Variants in PCDHGB6 observed in about 807,000 individuals in gnomAD.
PCDHGB6 encodes protocadherin gamma subfamily B, 6, also known as protocadherin gamma-B6.
In PCDHGB6, 51 loss-of-function variants were observed where a neutral mutation model predicts 59.1. The observed-to-expected ratio is 0.86, with a 90% confidence interval of 0.69 to 1.09. The LOEUF (loss-of-function observed/expected upper bound fraction) is 1.09, where lower values mean the gene tolerates loss of function less well. Among genes scored for constraint, PCDHGB6 ranks in the 50% least tolerant of loss-of-function variants. PCDHGB6 has a pLI of 0.00. For missense variants in PCDHGB6, 1,148 were observed against 1,205.1 expected (o/e 0.95, Z 0.70); for synonymous variants, 466 against 495.1 (o/e 0.94, Z 0.78).
rs370286425 is a variant in PCDHGB6, at chr5:141,431,234, G to A, written c.2418+20614G>A. On this transcript the variant is annotated intron_variant, in intron 1 of 3. Coordinates refer to ENST00000520790, the MANE Select transcript of PCDHGB6 (RefSeq NM_018926.3). This position sits in a 1 kb window ranked among gnomAD's most constrained non-coding sequence, Gnocchi z 4.8. ...GCGGTTCCCTCTACCCCACGCCTGGGATCCGGATATCGGGAAGAACTCTCT... is the reference window on the plus strand; with the variant it reads ...GCGGTTCCCTCTACCCCACGCCTGGAATCCGGATATCGGGAAGAACTCTCT... 13 of 1,614,052 alleles carry A rather than the reference G, an allele frequency of 8.1e-6. No individual in the cohort carries two copies. The highest frequency in any genetic ancestry group is 2.7e-5 in the African/African-American group (2 of 74,940).
Position 141,476,239 on chromosome 5 carries a change from A to T in PCDHGB6, c.2419-18568A>T. ...TTCACTATGAGATCCCGGAGGAAAG[A>T]GAGAAGGGTTTCGCTGTGGGCAACG... is the stretch of plus-strand genomic sequence containing the variant. On this transcript the variant is annotated intron_variant, in intron 1 of 3. Coordinates refer to ENST00000520790, the MANE Select transcript of PCDHGB6 (RefSeq NM_018926.3). This position sits in a 1 kb window ranked among gnomAD's most constrained non-coding sequence, Gnocchi z 7.6. 1 of 1,613,826 alleles carries T rather than the reference A, an allele frequency of 6.2e-7. No homozygotes were observed. Among genetic ancestry groups the T allele is most frequent in the Non-Finnish European group, 8.5e-7 (1 of 1,179,996 alleles).
At position 141,422,108 on chromosome 5, in the gene PCDHGB6, A is replaced by G. The variant is rs766617894; in HGVS notation, c.2418+11488A>G. 4.4e-6 allele frequency: 7 copies of G among 1,606,984 alleles called. No homozygotes were observed. In the East Asian group the frequency reaches 1.6e-4, roughly 36 times the overall value. ...GAAAGCAAGGCTTCTGAAATATTCCAATTGGATTCACAAACTGGAGAAGTT... is the reference window on the plus strand; with the variant it reads ...GAAAGCAAGGCTTCTGAAATATTCCGATTGGATTCACAAACTGGAGAAGTT... On this transcript the variant is annotated intron_variant, in intron 1 of 3. Transcript: ENST00000520790.
chr5:141,443,656 A>T (rs139300845), intron 1 of PCDHGB6, among the ~76,000 whole-genome samples: 1 of 152,256 alleles, frequency 6.6e-6, no homozygotes, highest in African/African-American at 2.4e-5. Flanking sequence ...TTAGCATAGC[A>T]TTTTACTGAA....
chr5:141,442,164 C>A, intron 1 of PCDHGB6: 1 of 156,542 alleles, frequency 6.4e-6, no homozygotes, highest in Non-Finnish European at 1.4e-5. Context: ...GATCACTCTG[C>A]AAAGCTACAG....
At chr5:141,422,597 C>T in intron 1 of PCDHGB6, 1 of 1,614,102 alleles carries the variant, frequency 6.2e-7, no homozygotes, top group Non-Finnish European at 8.5e-7. Context: ...CCTCACTCCT[C>T]TTACTCTGCC....
chr5:141,419,108 G>C (rs1449189374), intron 1 of PCDHGB6: 2 of 1,613,792 alleles, frequency 1.2e-6, no homozygotes, highest in African/African-American at 1.3e-5. Flanking sequence ...GCAGACCCCA[G>C]AGTACAACGT....
intron 1 of PCDHGB6, 97 bp from the exon 2 acceptor site, chr5:141,494,710 C>G: frequency 6.2e-7 from 1 of 1,600,966 alleles, no homozygotes; most frequent in Admixed American, 1.7e-5. Context: ...TCTCTGTGCC[C>G]ACTCCCCTCC....
chr5:141,448,912 T>C (rs1195715286), intron 1 of PCDHGB6, among the ~76,000 whole-genome samples: 1 of 152,152 alleles, frequency 6.6e-6, no homozygotes, highest in Non-Finnish European at 1.5e-5. Flanking sequence ...GCCACTGCAC[T>C]CCAGCCTGGG....
chr5:141,415,411 G>A (rs754595054), intron 1 of PCDHGB6: 45 of 1,614,112 alleles, frequency 2.8e-5, no homozygotes, highest in Non-Finnish European at 3.6e-5. Context: ...GCACTTTGTG[G>A]GCGTGGACGG....
intron 1 of PCDHGB6, chr5:141,413,323 G>A (rs1221252167): frequency 2.5e-6 from 4 of 1,613,840 alleles, no homozygotes; most frequent in Non-Finnish European, 3.4e-6. Flanking sequence ...CTCTTTCGTG[G>A]GCAACATCTC....
chr5:141,422,431 T>G, intron 1 of PCDHGB6: 1 of 1,608,846 alleles, frequency 6.2e-7, no homozygotes, highest in Non-Finnish European at 8.5e-7. Flanking sequence ...TTATGGAAAT[T>G]ATTACAAATT....
At chr5:141,435,665 A>C (rs1029846055) in intron 1 of PCDHGB6, among the ~76,000 whole-genome samples, 2 of 152,206 alleles carry the variant, frequency 1.3e-5, no homozygotes, top group African/African-American at 4.8e-5. Flanking sequence ...CACAGATTCC[A>C]AGTGTTTTCT....
At chr5:141,444,873 C>T (rs1298516499) in intron 1 of PCDHGB6, among the ~76,000 whole-genome samples, 1 of 152,080 alleles carries the variant, frequency 6.6e-6, no homozygotes, top group African/African-American at 2.4e-5. Flanking sequence ...CAGGACAAAG[C>T]TTGTAGGATT....
chr5:141,489,040 C>G lies in PCDHGB6; in HGVS notation c.2419-5767C>G. On this transcript the variant is annotated intron_variant, in intron 1 of 3. Coordinates refer to ENST00000520790, the MANE Select transcript of PCDHGB6 (RefSeq NM_018926.3). This position sits in a 1 kb window ranked among gnomAD's most constrained non-coding sequence, Gnocchi z 4.5. ...CCTCTCCTCCTCCAGCTCCCCAGCT[C>G]CACTCAAATTCAGCTCCCCTCCCCC... 1 of 479,752 alleles carries G rather than the reference C, an allele frequency of 2.1e-6. No homozygotes were observed. The highest frequency in any genetic ancestry group is 3.6e-6 in the Non-Finnish European group (1 of 274,204). 29.7% of individuals were successfully genotyped at this position (479,752 alleles called of 1,614,324 possible). A position where few individuals can be genotyped will look rare whatever the true frequency, so the allele number is the denominator to read the frequency against.
At chr5:141,444,178 TTTTTTTTTTTG>T in intron 1 of PCDHGB6, among the ~76,000 whole-genome samples, 1 of 134,050 alleles carries the variant, frequency 7.5e-6, no homozygotes, top group Admixed American at 7.5e-5. Flanking sequence ...TTTTTTTTTT[TTTTTTTTTTTG>T]AGATGGAGTT....
intron 1 of PCDHGB6, chr5:141,428,221 G>A (rs1314522513): frequency 5.9e-6 from 7 of 1,177,278 alleles, no homozygotes; most frequent in Non-Finnish European, 8.6e-6. Context: ...CCTAGTCTTC[G>A]CAGACAGCCT....
At chr5:141,460,965 G>A (rs1398642676) in intron 1 of PCDHGB6, among the ~76,000 whole-genome samples, 21 of 114,476 alleles carry the variant, frequency 1.8e-4, no homozygotes, top group African/African-American at 8.5e-4. Flanking sequence ...ATATATATGT[G>A]TGTGTGTGTG....
Position 141,476,208 on chromosome 5 carries a change from C to T in PCDHGB6, c.2419-18599C>T, listed in dbSNP as rs1266601125. The T allele has an allele frequency of 6.2e-7, 1 of 1,613,794 alleles. No homozygotes were observed. ...CTTGGTGCCTTGAACAAGGCTTCCA[C>T]GGTCATTCACTATGAGATCCCGGAG... On this transcript the variant is annotated intron_variant, in intron 1 of 3. Coordinates refer to ENST00000520790, the MANE Select transcript of PCDHGB6 (RefSeq NM_018926.3). The surrounding 1 kb of genome is among the most constrained non-coding windows in gnomAD (Gnocchi z 7.6).
Position 141,408,608 on chromosome 5 carries a change from A to C in PCDHGB6, c.406A>C (p.Lys136Gln). Residue 136 changes from lysine (K) to glutamine (Q), a missense_variant, in exon 1 of 4, where the codon AAG (lysine) becomes CAG (glutamine). Coordinates refer to ENST00000520790, the MANE Select transcript of PCDHGB6 (RefSeq NM_018926.3). ...VNDHAPQFDKKEIHLEIFESA... is the reference protein window; with the variant it reads ...VNDHAPQFDKQEIHLEIFESA... ...TGACCACGCCCCTCAATTTGATAAA[A>C]AGGAAATACATTTAGAAATTTTCGA... 1 of 1,614,072 alleles carries C rather than the reference A, an allele frequency of 6.2e-7. No individual in the cohort carries two copies. Among genetic ancestry groups the C allele is most frequent in the South Asian group, 1.1e-5 (1 of 91,090 alleles).
Sources: allele counts gnomAD v4.1 joint callset (sites outside exome capture counted in the v4.1 genomes callset), GRCh38; gene constraint gnomAD v4.1.1; non-coding constraint Gnocchi (gnomAD v3.1); transcripts MANE v1.5; gene names NCBI Gene and HGNC (gene_info 2026-07-23, HGNC 2026-07-21).